GRK6: variants seen among roughly 807,000 people sequenced by gnomAD.
GRK6 encodes G protein-coupled receptor kinase 6.
GRK6 carries 37 observed loss-of-function variants against 80.8 expected under a neutral mutation model. The observed-to-expected ratio is 0.46, with a 90% CI of 0.35 to 0.60. The LOEUF (loss-of-function observed/expected upper bound fraction) is 0.60. Among genes scored for constraint, GRK6 ranks in the 20% least tolerant of loss-of-function variants. GRK6 has a pLI of 0.00. For synonymous variants in GRK6, 295 were observed against 320.9 expected, an observed-to-expected ratio of 0.92 and a Z score of 0.86; for missense variants, 560 against 784.6, an observed-to-expected ratio of 0.71 and a Z score of 3.42.
chr5:177,436,598 A>T (rs772990995), intron 13 of GRK6, 68 bp downstream of exon 13: 11 of 1,397,018 alleles, frequency 7.9e-6, no homozygotes, highest in South Asian at 6.9e-5. Context: ...CTCTTGTAGT[A>T]TCAGCCAGGA....
chr5:177,427,418 T>A (rs1763718352), intron 1 of GRK6, among the ~76,000 whole-genome samples: 1 of 152,218 alleles, frequency 6.6e-6, no homozygotes, highest in Non-Finnish European at 1.5e-5. Context: ...CTCAGGACAC[T>A]GAGGGCAGAG....
At chr5:177,441,154 TCCAGTCCTGTTGTGGTGC>T in intron 15 of GRK6, 101 bp downstream of exon 15, 2 of 1,514,836 alleles carry the variant, frequency 1.3e-6, no homozygotes, top group Non-Finnish European at 1.8e-6. Flanking sequence ...GTGGGCGTCC[TCCAGTCCTGTTGTGGTGC>T]CCAGGGTCTC....
rs371466662 is a variant in GRK6, at chr5:177,433,341, C to T, written c.534-6C>T. On this transcript the variant is annotated splice_region_variant and splice_polypyrimidine_tract_variant and intron_variant, in intron 6 of 15. Coordinates refer to ENST00000355472, the MANE Select transcript of GRK6 (RefSeq NM_001004106.3). ...CCAGCGTTTGCTTCCCCACCCCTTG[C>T]CACAGGCAGCCAGTGACCAAAAACA... 1.6e-4 allele frequency: 260 copies of T among 1,613,750 alleles called. No homozygotes were observed. Among genetic ancestry groups the T allele is most frequent in the Non-Finnish European group, 2.1e-4 (246 of 1,179,872 alleles).
intron 4 of GRK6, among the ~76,000 whole-genome samples, 171 bp from the exon 5 acceptor site, chr5:177,432,535 G>T (rs572005965): frequency 1.3e-5 from 2 of 152,200 alleles, no homozygotes; most frequent in Non-Finnish European, 2.9e-5. Flanking sequence ...GCTCTGCTGC[G>T]CTCTGCCTCA....
intron 2 of GRK6, 60 bp downstream of exon 2, chr5:177,431,027 G>A (rs952485258): frequency 1.4e-6 from 2 of 1,456,368 alleles, no homozygotes; most frequent in Non-Finnish European, 1.9e-6. Context: ...GGCCGGGGGA[G>A]CCTCCCCTGA....
Position 177,441,735 on chromosome 5 carries a change from A to G in GRK6, c.1678-2A>G. 1.2e-6 allele frequency: 2 copies of G among 1,611,322 alleles called. No individual in the cohort carries two copies. Among genetic ancestry groups the G allele is most frequent in the Non-Finnish European group, 1.7e-6 (2 of 1,178,256 alleles). ...CCCTCCGTGTCTTCCCCGTCCCTCCAGGATTGCTGTGGAAACTGCAGCGAC... is the reference window on the plus strand; with the variant it reads ...CCCTCCGTGTCTTCCCCGTCCCTCCGGGATTGCTGTGGAAACTGCAGCGAC... On this transcript the variant is annotated splice_acceptor_variant, in intron 15 of 15. Coordinates refer to ENST00000355472, the MANE Select transcript of GRK6 (RefSeq NM_001004106.3). LOFTEE classifies it high-confidence loss of function.
At chr5:177,432,206 C>A in intron 3 of GRK6, 27 bp from the exon 4 acceptor site, 1 of 1,613,670 alleles carries the variant, frequency 6.2e-7, no homozygotes, top group Non-Finnish European at 8.5e-7. Context: ...GCCCAGACCT[C>A]CAGCTTCTTT....
At chr5:177,438,061 G>GT (rs1271280213) in intron 13 of GRK6, among the ~76,000 whole-genome samples, 2 of 152,174 alleles carry the variant, frequency 1.3e-5, no homozygotes, top group Non-Finnish European at 2.9e-5. Context: ...GTAATGTTAA[G>GT]TGTGACAAAG....
chr5:177,425,988 C>G (rs751979346), upstream of GRK6, among the ~76,000 whole-genome samples: 3 of 152,180 alleles, frequency 2.0e-5, no homozygotes, highest in Non-Finnish European at 4.4e-5. Flanking sequence ...CGAGGGAAGG[C>G]GAGGCCGAGT....
intron 2 of GRK6, 151 bp from the exon 3 acceptor site, chr5:177,431,844 A>G: frequency 2.8e-6 from 2 of 703,470 alleles, no homozygotes; most frequent in Non-Finnish European, 5.0e-6. Flanking sequence ...TGCCCACCTG[A>G]GGGTTGTGGT....
At chr5:177,426,962 C>A (rs1657975092) in intron 1 of GRK6, 65 bp downstream of exon 1, 1 of 1,109,326 alleles carries the variant, frequency 9.0e-7, no homozygotes, top group Non-Finnish European at 1.2e-6. Flanking sequence ...CGTCTGAGCT[C>A]CGCAGGGCTA....
intron 5 of GRK6, among the ~76,000 whole-genome samples, 168 bp downstream of exon 5, chr5:177,432,974 C>A (rs1284495634): frequency 6.6e-6 from 1 of 152,222 alleles, no homozygotes; most frequent in Non-Finnish European, 1.5e-5. Context: ...CTCAGTAGCA[C>A]CCACAGCTTC....
Position 177,441,804 on chromosome 5 carries a change from G to GC in GRK6, c.*19dup. 1 of 1,609,836 alleles carries GC rather than the reference G, an allele frequency of 6.2e-7. No individual in the cohort carries two copies. Among genetic ancestry groups the GC allele is most frequent in the South Asian group, 1.1e-5 (1 of 90,996 alleles). ...ACCCGCCTCTAGCCCCCAGCCCGAG[G>GC]CCCCCACCAGCAGTTGGCGGTAGCA... On this transcript the variant is annotated 3_prime_UTR_variant, in exon 16 of 16. Coordinates refer to ENST00000355472, the MANE Select transcript of GRK6 (RefSeq NM_001004106.3).
rs1201734073 is a variant in GRK6, at chr5:177,441,851, A to G, written c.*61A>G. ...AGCAGCTACTCCGAGCGCCGTTTAC[A>G]GTTTTGCACAGTGATCTTCCCCATT... is the stretch of plus-strand genomic sequence containing the variant. On this transcript the variant is annotated 3_prime_UTR_variant, in exon 16 of 16. Transcript: ENST00000355472. 2 of 1,433,940 alleles carry G rather than the reference A, an allele frequency of 1.4e-6. No individual in the cohort carries two copies. The highest frequency in any genetic ancestry group is 1.7e-5 in the Admixed American group (1 of 58,864). The allele number at this position is 1,433,940 out of a possible 1,614,324, so 88.8% of individuals were successfully genotyped here.
intron 11 of GRK6, 123 bp downstream of exon 11, chr5:177,435,244 C>T (rs1764091002): frequency 1.3e-5 from 9 of 672,594 alleles, no homozygotes; most frequent in Admixed American, 2.9e-5. Context: ...GGGCCCATGC[C>T]GATGCTCCTC....
At chr5:177,440,207 G>T (rs544328577) in intron 13 of GRK6, among the ~76,000 whole-genome samples, 2 of 152,252 alleles carry the variant, frequency 1.3e-5, no homozygotes, top group Non-Finnish European at 2.9e-5. Flanking sequence ...GCCTGGAGCT[G>T]AGGTGGGCTC....
intron 15 of GRK6, among the ~76,000 whole-genome samples, chr5:177,441,514 C>T (rs1459025909): frequency 1.1e-4 from 16 of 152,184 alleles, no homozygotes; most frequent in Non-Finnish European, 2.4e-4. Context: ...TCTACCCAGC[C>T]CCCTTACTTC....
chr5:177,435,170 C>T (rs1388217782), intron 11 of GRK6, 49 bp downstream of exon 11: 2 of 1,386,822 alleles, frequency 1.4e-6, no homozygotes, highest in Non-Finnish European at 2.0e-6. Flanking sequence ...CCCTCACTAT[C>T]CACCCACCCA....
rs535703303 is a variant in GRK6 at position 177,428,042 on chromosome 5, C to T, written c.52+1145C>T. ...GGTGCTACACCTGGCACCCCGTGCC[C>T]ACCAAGTGCTCTGGCGAGGTGCAGC... On this transcript the variant is annotated intron_variant, in intron 1 of 15. Coordinates refer to ENST00000355472, the MANE Select transcript of GRK6 (RefSeq NM_001004106.3). The surrounding 1 kb of genome is among the most constrained non-coding windows in gnomAD (Gnocchi z 4.1). Among the ~76,000 whole-genome samples the T allele has an allele frequency of 1.3e-5, 2 of 152,366 alleles. No individual in the cohort carries two copies. The highest frequency in any genetic ancestry group is 4.1e-4 in the South Asian group (2 of 4,832).
Sources: gnomAD v4.1 joint callset for allele counts (sites outside exome capture counted in the v4.1 genomes callset) on GRCh38, gnomAD v4.1.1 for gene constraint, Gnocchi (gnomAD v3.1) non-coding constraint, MANE v1.5 for transcripts, NCBI Gene and HGNC (gene_info 2026-07-23, HGNC 2026-07-21) for gene names.